The following WDR35 variants were observed in gnomAD, a reference collection of about 807,000 sequenced individuals.
WDR35 encodes the protein WD repeat domain 35, also known as WD repeat-containing protein 35.
In WDR35, 118 loss-of-function variants were observed where a neutral mutation model predicts 158.3. That is an observed-to-expected ratio of 0.75 (90% CI 0.64 to 0.87). The LOEUF (loss-of-function observed/expected upper bound fraction) is 0.87. WDR35 is among the 40% of genes least tolerant of loss of function. WDR35 has a pLI of 0.00. For missense variants in WDR35, 1,263 were observed against 1,405.8 expected, an observed-to-expected ratio of 0.90 and a Z score of 1.62; for synonymous variants, 448 against 476.1, an observed-to-expected ratio of 0.94 and a Z score of 0.77.
intron 11 of WDR35, among the ~76,000 whole-genome samples, chr2:19,954,485 T>C (rs1033042156): frequency 2.6e-5 from 4 of 152,040 alleles, no homozygotes; most frequent in Non-Finnish European, 2.9e-5. Context: ...TAAAGACAAA[T>C]AGCCCAATTT....
Position 19,981,916 on chromosome 2 carries a change from A to G in WDR35, c.214+547T>C, listed in dbSNP as rs115089987. Among the ~76,000 whole-genome samples, 319 of 152,310 alleles carry G rather than the reference A, an allele frequency of 2.1e-3. 2 individuals carry two copies. The highest frequency in any genetic ancestry group is 7.1e-3 in the African/African-American group (295 of 41,568). ...GGAGTATTTTCAATATATTAAAAAC[A>G]GCTATTTTCTTCTAGATTTATTTAA... On this transcript the variant is annotated intron_variant, in intron 3 of 26. Transcript: ENST00000281405.
rs139479910 is a variant in WDR35 at position 19,988,380 on chromosome 2, G to A, written c.142+785C>T. ...AATGGAAATTCTCAGGCCCCATCCC[G>A]GGTCTATTGTGTGGGGGTAGAGCAT... On this transcript the variant is annotated intron_variant, in intron 2 of 26. Coordinates refer to ENST00000281405, the MANE Select transcript of WDR35 (RefSeq NM_020779.4). 1.3e-3 allele frequency among the ~76,000 whole-genome samples: 201 copies of A among 152,264 alleles called. 1 individual carries two copies. Among genetic ancestry groups the A allele is most frequent in the African/African-American group, 4.6e-3 (192 of 41,550 alleles).
intron 10 of WDR35, among the ~76,000 whole-genome samples, chr2:19,962,995 G>A (rs1173324238): frequency 1.3e-5 from 2 of 151,892 alleles, no homozygotes; most frequent in Non-Finnish European, 2.9e-5. Context: ...TCCCTTTACC[G>A]ATCCTTTTGC....
At chr2:19,967,515 A>T (rs1241202795) in intron 9 of WDR35, among the ~76,000 whole-genome samples, 4 of 152,098 alleles carry the variant, frequency 2.6e-5, no homozygotes, top group Non-Finnish European at 4.4e-5. Flanking sequence ...TGGAACTTAC[A>T]CACTTACAGC....
chr2:19,928,875 C>T (rs564431569), intron 25 of WDR35, among the ~76,000 whole-genome samples: 137 of 151,644 alleles, frequency 9.0e-4, no homozygotes, highest in African/African-American at 3.2e-3. Flanking sequence ...GGTGCGATCT[C>T]GGCTCACTGC....
chr2:19,937,051 CAT>C (rs1670717585), intron 19 of WDR35, among the ~76,000 whole-genome samples: 1 of 152,132 alleles, frequency 6.6e-6, no homozygotes, highest in African/African-American at 2.4e-5. Context: ...AGTGTTAACA[CAT>C]GTGGTTTTAT....
intron 16 of WDR35, among the ~76,000 whole-genome samples, chr2:19,944,930 A>G (rs1670999958): frequency 6.6e-6 from 1 of 152,172 alleles, no homozygotes; most frequent in Non-Finnish European, 1.5e-5. Flanking sequence ...ACAAATGGAA[A>G]TTAATGATAT....
chr2:19,987,907 C>CGT (rs1465384220), intron 2 of WDR35, among the ~76,000 whole-genome samples: 8 of 150,284 alleles, frequency 5.3e-5, no homozygotes, highest in East Asian at 3.9e-4. Flanking sequence ...TATATACACA[C>CGT]GTATATATAT....
intron 5 of WDR35, among the ~76,000 whole-genome samples, chr2:19,976,123 A>G (rs1672201640): frequency 6.6e-6 from 1 of 152,026 alleles, no homozygotes; most frequent in Admixed American, 6.6e-5. Flanking sequence ...TACCTTTGCA[A>G]AGATCTCCCT....
chr2:19,912,408 C>G lies in WDR35; in HGVS notation c.*1150G>C, dbSNP rs1669866145. Reference sequence around the variant, plus strand: ...TTTTATTTAGGCCAATGAGCCCACTCTCTATCCTAAGCTCATCTAGGCTCT... The same window carrying G: ...TTTTATTTAGGCCAATGAGCCCACTGTCTATCCTAAGCTCATCTAGGCTCT... On this transcript the variant is annotated 3_prime_UTR_variant, in exon 27 of 27. Coordinates refer to ENST00000281405, the MANE Select transcript of WDR35 (RefSeq NM_020779.4). 6.6e-6 allele frequency: 1 copy of G among 152,152 alleles called. No homozygotes were observed. Among genetic ancestry groups the G allele is most frequent in the Non-Finnish European group, 1.5e-5 (1 of 68,026 alleles). The allele number at this position is 152,152 out of a possible 1,614,324, so 9.4% of individuals were successfully genotyped here.
intron 25 of WDR35, among the ~76,000 whole-genome samples, chr2:19,924,998 G>C (rs575272285): frequency 6.6e-6 from 1 of 152,308 alleles, no homozygotes; most frequent in Non-Finnish European, 1.5e-5. Context: ...TGCAATGAGG[G>C]GCCCGTCCTG....
chr2:19,945,887 G>T lies in WDR35; in HGVS notation c.1744C>A (p.Arg582=). The change falls in exon 16 of 27, where the codon CGA becomes AGA. Residue 582 remains arginine, a synonymous_variant. Coordinates refer to ENST00000281405, the MANE Select transcript of WDR35 (RefSeq NM_020779.4). ...QVVGELLKLE[R]RDVWDMKWAK... ...CACTTCATATCCCAGACATCTCTTC[G>T]TTCCAATTTTAACAACTCTCCAACT... The T allele has an allele frequency of 6.2e-7, 1 of 1,613,790 alleles. No homozygotes were observed.
At chr2:19,956,534 TAAGA>T (rs756972024) in intron 11 of WDR35, among the ~76,000 whole-genome samples, 1 of 151,996 alleles carries the variant, frequency 6.6e-6, no homozygotes, top group Non-Finnish European at 1.5e-5. Flanking sequence ...TTTGAAAGTT[TAAGA>T]GAGATAACAA....
chr2:19,929,925 T>A (rs1284342483), intron 25 of WDR35, among the ~76,000 whole-genome samples: 1 of 152,034 alleles, frequency 6.6e-6, no homozygotes, highest in Admixed American at 6.5e-5. Context: ...TAGCAATGTA[T>A]ATGTAAAATA....
At chr2:19,978,373 A>C (rs1672275308) in intron 5 of WDR35, among the ~76,000 whole-genome samples, 1 of 152,216 alleles carries the variant, frequency 6.6e-6, no homozygotes, top group Non-Finnish European at 1.5e-5. Flanking sequence ...ATAAACTACA[A>C]CCAACAATGA....
At chr2:19,964,381 C>CTTTTTTT (rs558586617) in intron 10 of WDR35, among the ~76,000 whole-genome samples, 374 of 113,426 alleles carry the variant, frequency 3.3e-3, no homozygotes, top group African/African-American at 4.4e-3. Context: ...CTTTTCTTTT[C>CTTTTTTT]TTTTTTTTTT....
chr2:19,923,026 A>G (rs1256482465), intron 25 of WDR35, among the ~76,000 whole-genome samples: 1 of 152,210 alleles, frequency 6.6e-6, no homozygotes, highest in East Asian at 1.9e-4. Context: ...ATTTCAGCCC[A>G]TTCCTTCATT....
intron 10 of WDR35, chr2:19,962,300 C>T (rs1420111460): frequency 6.2e-7 from 1 of 1,613,032 alleles, no homozygotes; most frequent in Non-Finnish European, 8.5e-7. Flanking sequence ...GTTACCGTTG[C>T]ACCAAATGTC....
chr2:19,923,244 C>T (rs1009592706), intron 25 of WDR35, among the ~76,000 whole-genome samples: 6 of 152,092 alleles, frequency 3.9e-5, no homozygotes, highest in Non-Finnish European at 5.9e-5. Flanking sequence ...TCTCCCCGAC[C>T]GAGCTGGTCT....
Sources: gnomAD v4.1 joint callset for allele counts (sites outside exome capture counted in the v4.1 genomes callset) on GRCh38, gnomAD v4.1.1 for gene constraint, MANE v1.5 for transcripts, NCBI Gene and HGNC (gene_info 2026-07-23, HGNC 2026-07-21) for gene names.